Variants in UBE2K observed in about 807,000 individuals in gnomAD.
UBE2K encodes ubiquitin conjugating enzyme E2 K, also known as ubiquitin-conjugating enzyme E2 K.
A neutral mutation model predicts 30.0 loss-of-function variants in UBE2K; 6 were observed. That is an observed-to-expected ratio of 0.20 (90% CI 0.11 to 0.39). The LOEUF is 0.39. Among genes scored for constraint, UBE2K ranks in the 10% least tolerant of loss-of-function variants. UBE2K has a pLI of 1.00. For missense variants in UBE2K, 61 were observed against 241.6 expected (o/e 0.25, Z 4.96); for synonymous variants, 86 against 83.7 (o/e 1.03, Z -0.15).
chr4:39,715,319 C>T (rs1232572031), intron 1 of UBE2K, among the ~76,000 whole-genome samples: 6 of 151,656 alleles, frequency 4.0e-5, no homozygotes, highest in Middle Eastern at 3.2e-3. Flanking sequence ...TGAGCCACCG[C>T]GCCCGGCCAG....
At chr4:39,762,002 C>T (rs1034748342) in intron 4 of UBE2K, among the ~76,000 whole-genome samples, 3 of 151,624 alleles carry the variant, frequency 2.0e-5, no homozygotes, top group Admixed American at 6.6e-5. Flanking sequence ...GGTGAAACCC[C>T]GTCTCCACTA....
At chr4:39,753,122 C>T (rs1054276813) in intron 3 of UBE2K, among the ~76,000 whole-genome samples, 1 of 152,242 alleles carries the variant, frequency 6.6e-6, no homozygotes, top group South Asian at 2.1e-4. Context: ...GGCTCAGTGG[C>T]TCACGCCTAT....
chr4:39,718,626 C>T (rs1196874036), intron 1 of UBE2K, among the ~76,000 whole-genome samples: 2 of 152,250 alleles, frequency 1.3e-5, no homozygotes, highest in Non-Finnish European at 2.9e-5. Context: ...TGGCGGGCTG[C>T]AGGTCCCGAG....
chr4:39,721,191 A>T (rs1011248610), intron 1 of UBE2K, among the ~76,000 whole-genome samples: 1 of 152,218 alleles, frequency 6.6e-6, no homozygotes, highest in African/African-American at 2.4e-5. Flanking sequence ...CTCAATTAAA[A>T]TGAGAGTTTC....
At chr4:39,770,581 C>G (rs1343306798) in intron 4 of UBE2K, 12 of 1,582,604 alleles carry the variant, frequency 7.6e-6, no homozygotes, top group Non-Finnish European at 1.0e-5. Context: ...GTGGCCCCCA[C>G]GCTGGCCCGG....
intron 4 of UBE2K, among the ~76,000 whole-genome samples, chr4:39,766,822 T>C (rs918524746): frequency 1.3e-5 from 2 of 152,292 alleles, no homozygotes; most frequent in East Asian, 3.9e-4. Flanking sequence ...CAATCTCGGC[T>C]TACTGCAGCC....
intron 1 of UBE2K, among the ~76,000 whole-genome samples, chr4:39,733,051 G>GAAAAAAAAAAAAAAAAAAAAAAAAAAA (rs59978380): frequency 1.0e-5 from 1 of 97,064 alleles, no homozygotes. Context: ...GGAACATCAG[G>GAAAAAAAAAAAAAAAAAAAAAAAAAAA]AAAAAAAAAA....
chr4:39,728,348 G>A (rs527982226), intron 1 of UBE2K, among the ~76,000 whole-genome samples: 1 of 152,120 alleles, frequency 6.6e-6, no homozygotes, highest in Admixed American at 6.6e-5. Context: ...GGTGGTTTAC[G>A]CCTCTAATCC....
rs756508483 is a variant in UBE2K, at chr4:39,755,704, A to C, written c.264A>C (p.Thr88=). 12 of 1,596,688 alleles carry C rather than the reference A, an allele frequency of 7.5e-6. No homozygotes were observed. The highest frequency in any genetic ancestry group is 1.0e-5 in the Non-Finnish European group (12 of 1,175,952). Residue 88 remains threonine, a synonymous_variant, in exon 4 of 7, where the codon ACA becomes ACC. Transcript: ENST00000261427. ...GGCATCCTAATATTAGTTCCGTCAC[A>C]GGGGCTATTTGTTTGGATATCCTGA... is the stretch of plus-strand genomic sequence containing the variant. The part of the protein sequence containing the change: ...KIWHPNISSV[T]GAICLDILKD...
intron 1 of UBE2K, among the ~76,000 whole-genome samples, chr4:39,728,669 GCT>G (rs1719888311): frequency 6.8e-6 from 1 of 147,374 alleles, no homozygotes. Flanking sequence ...ACAGAGTCTC[GCT>G]CTGTCCCCCA....
intron 3 of UBE2K, among the ~76,000 whole-genome samples, chr4:39,751,886 C>G: frequency 6.6e-6 from 1 of 152,086 alleles, no homozygotes; most frequent in East Asian, 1.9e-4. Context: ...AGAGTCACTT[C>G]GGCCCGGGAG....
chr4:39,724,121 ATTTTT>A (rs11295454), intron 1 of UBE2K, among the ~76,000 whole-genome samples: 16 of 142,520 alleles, frequency 1.1e-4, no homozygotes, highest in African/African-American at 4.2e-4. Context: ...TCCTTTTTTA[ATTTTT>A]TTTTTTTTTT....
At chr4:39,763,332 A>G (rs992979076) in intron 4 of UBE2K, among the ~76,000 whole-genome samples, 6 of 148,626 alleles carry the variant, frequency 4.0e-5, no homozygotes, top group African/African-American at 1.2e-4. Context: ...GCTCACTGCA[A>G]CCTCCACCTC....
At chr4:39,769,702 G>T (rs1184960518) in intron 4 of UBE2K, among the ~76,000 whole-genome samples, 1 of 112,838 alleles carries the variant, frequency 8.9e-6, no homozygotes, top group Non-Finnish European at 1.7e-5. Context: ...TTCTTATCTC[G>T]AGAAATGTCA....
At chr4:39,747,323 G>A (rs1270410558) in intron 3 of UBE2K, among the ~76,000 whole-genome samples, 3 of 152,094 alleles carry the variant, frequency 2.0e-5, no homozygotes, top group Non-Finnish European at 4.4e-5. Context: ...TTCCCAAACT[G>A]AAACTTCGTA....
chr4:39,732,672 CTTTTTTT>C (rs10650873), intron 1 of UBE2K, among the ~76,000 whole-genome samples: 4 of 115,102 alleles, frequency 3.5e-5, no homozygotes, highest in African/African-American at 7.0e-5. Flanking sequence ...CTTCTTCCCT[CTTTTTTT>C]TTTTTTTTTT....
At chr4:39,763,732 G>A (rs754632790) in intron 4 of UBE2K, among the ~76,000 whole-genome samples, 1 of 152,100 alleles carries the variant, frequency 6.6e-6, no homozygotes, top group Admixed American at 6.6e-5. Flanking sequence ...TATATCAATA[G>A]GTTTTGTTTG....
At chr4:39,700,384 G>GTTTGT (rs748151074) in intron 1 of UBE2K, among the ~76,000 whole-genome samples, 30 of 152,054 alleles carry the variant, frequency 2.0e-4, no homozygotes, top group Non-Finnish European at 3.2e-4. Context: ...TTTGTTGTTT[G>GTTTGT]TTTGTTTTGT....
chr4:39,698,149 C>T lies in UBE2K; in HGVS notation c.-179C>T, dbSNP rs1384400447. ...CGCCGACCCGGCGCCATTTTGGTGG[C>T]CGGGCGCGGAGGTGATTCCACACTG... On this transcript the variant is annotated 5_prime_UTR_variant, in exon 1 of 7. Transcript: ENST00000261427. 2 of 656,026 alleles carry T rather than the reference C, an allele frequency of 3.0e-6. No homozygotes were observed. Among genetic ancestry groups the T allele is most frequent in the South Asian group, 1.7e-5 (1 of 57,158 alleles). The allele number at this position is 656,026 out of a possible 1,614,324, so 40.6% of individuals were successfully genotyped here. A position where few individuals can be genotyped will look rare whatever the true frequency, so the allele number is the denominator to read the frequency against.
Sources: allele counts gnomAD v4.1 joint callset (sites outside exome capture counted in the v4.1 genomes callset), GRCh38; gene constraint gnomAD v4.1.1; transcripts MANE v1.5; gene names NCBI Gene and HGNC (gene_info 2026-07-23, HGNC 2026-07-21).